Variants in FOXP2 observed in about 807,000 individuals in gnomAD.
FOXP2 encodes the protein forkhead box protein P2.
In FOXP2, 12 loss-of-function variants were observed where a neutral mutation model predicts 115.8. The observed-to-expected ratio is 0.10, with a 90% CI of 0.07 to 0.17. The LOEUF is 0.17. Ranked by LOEUF, FOXP2 falls within the 10% of genes least tolerant of loss-of-function variation. The pLI is 1.00. For missense variants in FOXP2, 629 were observed against 843.5 expected, an observed-to-expected ratio of 0.75 and a Z score of 3.15; for synonymous variants, 328 against 297.7, an observed-to-expected ratio of 1.10 and a Z score of -1.05.
intron 2 of FOXP2, among the ~76,000 whole-genome samples, chr7:114,381,464 TG>T (rs1395537395): frequency 1.3e-5 from 2 of 152,110 alleles, no homozygotes; most frequent in Non-Finnish European, 1.5e-5. Flanking sequence ...GCCAAATAGA[TG>T]GGGGCTATCC....
At chr7:114,480,991 T>A (rs1266333449) in intron 2 of FOXP2, among the ~76,000 whole-genome samples, 15 of 151,332 alleles carry the variant, frequency 9.9e-5, no homozygotes, top group Non-Finnish European at 1.2e-4. Context: ...TAACCAGATC[T>A]AATAACAAAA....
At chr7:114,682,779 G>A (rs1459769720) in intron 16 of FOXP2, among the ~76,000 whole-genome samples, 3 of 152,034 alleles carry the variant, frequency 2.0e-5, no homozygotes, top group Non-Finnish European at 4.4e-5. Flanking sequence ...CATATAACTT[G>A]ACAAGTGAAA....
chr7:114,428,410 A>G (rs1394058926), intron 2 of FOXP2, among the ~76,000 whole-genome samples: 1 of 151,480 alleles, frequency 6.6e-6, no homozygotes, highest in Non-Finnish European at 1.5e-5. Context: ...ACTTTGTTCT[A>G]TGCAGTTCAT....
intron 2 of FOXP2, among the ~76,000 whole-genome samples, chr7:114,456,101 C>A (rs1795302579): frequency 6.6e-6 from 1 of 152,128 alleles, no homozygotes; most frequent in Non-Finnish European, 1.5e-5. Context: ...TCATTTATTC[C>A]AAGGATATAC....
At chr7:114,463,152 T>C (rs1185060833) in intron 2 of FOXP2, 1 of 364,524 alleles carries the variant, frequency 2.7e-6, no homozygotes, top group East Asian at 1.0e-4. Flanking sequence ...CCTCAGCCTC[T>C]GAAGTAGCTA....
intron 1 of FOXP2, among the ~76,000 whole-genome samples, chr7:114,262,911 A>G (rs1159377794): frequency 1.3e-5 from 2 of 152,150 alleles, no homozygotes; most frequent in Admixed American, 6.5e-5. Context: ...TTATGTCTAC[A>G]TAGTATCCCC....
intron 3 of FOXP2, among the ~76,000 whole-genome samples, chr7:114,565,746 A>C (rs1670708189): frequency 6.6e-6 from 1 of 152,096 alleles, no homozygotes; most frequent in Non-Finnish European, 1.5e-5. Flanking sequence ...AGTCTGTGTC[A>C]CAAAAGAAAG....
At chr7:114,141,221 T>C (rs772789219) in intron 1 of FOXP2, among the ~76,000 whole-genome samples, 50 of 152,182 alleles carry the variant, frequency 3.3e-4, no homozygotes, top group Non-Finnish European at 8.8e-5. Flanking sequence ...AGGGATTACA[T>C]GATTGAGCTC....
chr7:114,156,294 G>T (rs1274909574), intron 1 of FOXP2, among the ~76,000 whole-genome samples: 1 of 152,064 alleles, frequency 6.6e-6, no homozygotes, highest in Non-Finnish European at 1.5e-5. Flanking sequence ...GTGTGTGTGT[G>T]CATGTGGGAG....
chr7:114,475,515 T>C (rs1341799113), intron 2 of FOXP2, among the ~76,000 whole-genome samples: 1 of 152,050 alleles, frequency 6.6e-6, no homozygotes, highest in Non-Finnish European at 1.5e-5. Context: ...CAGATAGGCC[T>C]AGTGGATTTT....
At chr7:114,485,707 C>T (rs1375782370) in intron 2 of FOXP2, among the ~76,000 whole-genome samples, 1 of 152,062 alleles carries the variant, frequency 6.6e-6, no homozygotes, top group Non-Finnish European at 1.5e-5. Context: ...TGGGATTATT[C>T]TGAGTACTTT....
chr7:114,690,140 T>A lies in FOXP2; in HGVS notation c.*214T>A. 1.8e-6 allele frequency: 1 copy of A among 570,868 alleles called. No homozygotes were observed. The highest frequency in any genetic ancestry group is 4.8e-4 in the Middle Eastern group (1 of 2,084). 35.4% of individuals were successfully genotyped at this position (570,868 alleles called of 1,614,324 possible). On this transcript the variant is annotated 3_prime_UTR_variant, in exon 17 of 17. Transcript: ENST00000350908. The stretch of plus-strand genomic sequence containing the variant: ...TTCTTCTTCTTCTTCTTTTTTTTTT[T>A]TTTTTTAGAAAAAAAGACAAAAACT...
At chr7:114,323,760 C>G (rs971201480) in intron 2 of FOXP2, among the ~76,000 whole-genome samples, 3 of 151,938 alleles carry the variant, frequency 2.0e-5, no homozygotes, top group African/African-American at 7.2e-5. Flanking sequence ...CTCCCAGGAA[C>G]AAGTACAGTC....
chr7:114,233,519 C>T (rs1584564201), intron 1 of FOXP2, among the ~76,000 whole-genome samples: 1 of 152,134 alleles, frequency 6.6e-6, no homozygotes, highest in African/African-American at 2.4e-5. Context: ...TCCATGAGGC[C>T]CTTCAAGGGC....
intron 2 of FOXP2, among the ~76,000 whole-genome samples, chr7:114,313,991 A>G (rs1039573402): frequency 6.6e-6 from 1 of 151,810 alleles, no homozygotes; most frequent in South Asian, 2.1e-4. Flanking sequence ...CAACCAGCAT[A>G]TTTAAAAATG....
intron 2 of FOXP2, among the ~76,000 whole-genome samples, chr7:114,407,306 A>G (rs528003870): frequency 9.2e-5 from 14 of 152,200 alleles, no homozygotes; most frequent in African/African-American, 3.4e-4. Flanking sequence ...TTGCTTCACT[A>G]ATATAACAAT....
chr7:114,226,839 G>A (rs1030220502), intron 1 of FOXP2, among the ~76,000 whole-genome samples: 2 of 151,588 alleles, frequency 1.3e-5, no homozygotes, highest in Non-Finnish European at 2.9e-5. Flanking sequence ...TTCTCTTATC[G>A]TCTTTTTCAA....
At position 114,427,862 on chromosome 7, in the gene FOXP2, T is replaced by C. The variant is rs564088333; in HGVS notation, c.168+1183T>C. 7.9e-5 allele frequency among the ~76,000 whole-genome samples: 12 copies of C among 151,788 alleles called. No homozygotes were observed. In the East Asian group the frequency reaches 2.3e-3, roughly 29 times the overall value. ...AGAATAATCTTTTATAAGAGCTACA[T>C]AGTACTTTTGAATGGTTTATCTATT... On this transcript the variant is annotated intron_variant, in intron 2 of 16. Transcript: ENST00000350908.
Position 114,239,943 on chromosome 7 carries a change from C to A in FOXP2, c.-101-48076C>A, listed in dbSNP as rs61088898. ...TATATGGCACGCCTGATTTGGAAAA[C>A]GATATATACTTTATGCCTGTTTTAT... On this transcript the variant is annotated intron_variant, in intron 1 of 17. Coordinates refer to the FOXP2 transcript ENST00000634411. Among the ~76,000 whole-genome samples, 3 of 152,060 alleles carry A rather than the reference C, an allele frequency of 2.0e-5. No homozygotes were observed. The East Asian group carries it at 5.8e-4, about 29-fold the overall frequency.
Sources: gnomAD v4.1 joint callset for allele counts (sites outside exome capture counted in the v4.1 genomes callset) on GRCh38, gnomAD v4.1.1 for gene constraint, MANE v1.5 for transcripts, NCBI Gene and HGNC (gene_info 2026-07-23, HGNC 2026-07-21) for gene names.